Variants in SEMA3A observed in about 807,000 individuals in gnomAD.
SEMA3A encodes semaphorin 3A.
A neutral mutation model predicts 97.9 loss-of-function variants in SEMA3A; 29 were observed. The observed-to-expected ratio is 0.30, with a 90% CI of 0.22 to 0.40. SEMA3A has a LOEUF of 0.40. Among genes scored for constraint, SEMA3A ranks in the 10% least tolerant of loss-of-function variants. SEMA3A has a pLI of 1.00. For synonymous variants in SEMA3A, 321 were observed against 323.7 expected (o/e 0.99, Z 0.09); for missense variants, 763 against 951.3 (o/e 0.80, Z 2.60).
intron 1 of SEMA3A, among the ~76,000 whole-genome samples, chr7:84,441,632 G>GC (rs1258833339): frequency 6.6e-6 from 1 of 151,936 alleles, no homozygotes; most frequent in Non-Finnish European, 1.5e-5. Flanking sequence ...AGAAAAGATG[G>GC]CAAAAACTTC....
rs1436029492 is a variant in SEMA3A at position 84,356,249 on chromosome 7, C to T, written c.-169+15575G>A. 2.0e-5 allele frequency among the ~76,000 whole-genome samples: 3 copies of T among 151,642 alleles called. No individual in the cohort carries two copies. The East Asian group carries it at 5.8e-4, about 29-fold the overall frequency. On this transcript the variant is annotated intron_variant, in intron 2 of 3. Coordinates refer to the SEMA3A transcript ENST00000424555. Reference sequence around the variant, plus strand: ...TATTAATATTATAGTATATGCAACACACTGATTTTAATTTTCCCTTATTAA... The same window carrying T: ...TATTAATATTATAGTATATGCAACATACTGATTTTAATTTTCCCTTATTAA...
At chr7:84,325,901 T>C (rs2115929022) in intron 2 of SEMA3A, among the ~76,000 whole-genome samples, 1 of 152,134 alleles carries the variant, frequency 6.6e-6, no homozygotes, top group Non-Finnish European at 1.5e-5. Context: ...CTGGCCAACA[T>C]CTCCCCATTT....
chr7:84,185,281 A>T (rs1291728473), intron 1 of SEMA3A, among the ~76,000 whole-genome samples: 2 of 152,124 alleles, frequency 1.3e-5, no homozygotes, highest in Admixed American at 6.6e-5. Flanking sequence ...GTTGCCGGGT[A>T]CCATGAACCT....
intron 2 of SEMA3A, among the ~76,000 whole-genome samples, chr7:84,368,509 T>C (rs565252126): frequency 9.9e-4 from 149 of 151,146 alleles, no homozygotes; most frequent in Non-Finnish European, 1.6e-3. Context: ...GGCTTTATAG[T>C]TTTATGTTAT....
At chr7:84,010,199 A>G (rs1300288809) in intron 9 of SEMA3A, among the ~76,000 whole-genome samples, 2 of 152,200 alleles carry the variant, frequency 1.3e-5, no homozygotes, top group African/African-American at 4.8e-5. Context: ...TGACTTAAAA[A>G]GCTTTAAAAC....
chr7:84,177,852 G>C (rs928695462), intron 1 of SEMA3A, among the ~76,000 whole-genome samples: 1 of 151,974 alleles, frequency 6.6e-6, no homozygotes, highest in East Asian at 1.9e-4. Flanking sequence ...TAAACTTCTG[G>C]ATATAACATT....
chr7:84,309,434 G>C (rs1416258734), intron 2 of SEMA3A, among the ~76,000 whole-genome samples: 1 of 152,162 alleles, frequency 6.6e-6, no homozygotes, highest in Non-Finnish European at 1.5e-5. Flanking sequence ...AGTGGGAGCA[G>C]AGAGATGGTT....
intron 3 of SEMA3A, among the ~76,000 whole-genome samples, chr7:84,115,317 GTTAAGTGCCCAA>G: frequency 6.6e-6 from 1 of 152,096 alleles, no homozygotes; most frequent in Non-Finnish European, 1.5e-5. Flanking sequence ...GCTCATTTCA[GTTAAGTGCCCAA>G]TTTGACTGCT....
chr7:84,206,618 G>A (rs563368959), intron 3 of SEMA3A, among the ~76,000 whole-genome samples: 5 of 151,792 alleles, frequency 3.3e-5, no homozygotes, highest in Non-Finnish European at 5.9e-5. Context: ...CACCGCGTCC[G>A]GCCTTCCAAG....
chr7:84,342,059 G>T (rs1261636774), intron 2 of SEMA3A, among the ~76,000 whole-genome samples: 1 of 151,110 alleles, frequency 6.6e-6, no homozygotes, highest in Non-Finnish European at 1.5e-5. Context: ...TTTTTTGACG[G>T]AGTTTCACCC....
chr7:84,226,719 T>A (rs1490326268), intron 3 of SEMA3A, among the ~76,000 whole-genome samples: 2 of 152,086 alleles, frequency 1.3e-5, no homozygotes, highest in Non-Finnish European at 2.9e-5. Flanking sequence ...CTATGTTCTA[T>A]AATAAATATC....
chr7:84,181,946 G>C (rs1797747774), intron 1 of SEMA3A, among the ~76,000 whole-genome samples: 1 of 152,090 alleles, frequency 6.6e-6, no homozygotes, highest in Non-Finnish European at 1.5e-5. Context: ...TTTTCCAAAA[G>C]AATTCTGTCT....
chr7:84,240,306 T>C (rs1488828097), intron 3 of SEMA3A, among the ~76,000 whole-genome samples: 1 of 152,154 alleles, frequency 6.6e-6, no homozygotes, highest in Non-Finnish European at 1.5e-5. Flanking sequence ...GAATGTTACT[T>C]TGAGTGGCGA....
chr7:84,464,640 A>G (rs1489039244), intron 1 of SEMA3A, among the ~76,000 whole-genome samples: 1 of 152,200 alleles, frequency 6.6e-6, no homozygotes, highest in Non-Finnish European at 1.5e-5. Flanking sequence ...AGAAATCCAT[A>G]AAAAAGTTTT....
chr7:84,341,272 C>T (rs1434487549), intron 2 of SEMA3A, among the ~76,000 whole-genome samples: 1 of 152,148 alleles, frequency 6.6e-6, no homozygotes, highest in Non-Finnish European at 1.5e-5. Context: ...CATCTAGTAC[C>T]ACTTATTAAG....
At chr7:84,462,094 A>G (rs1250917154) in intron 1 of SEMA3A, among the ~76,000 whole-genome samples, 1 of 152,116 alleles carries the variant, frequency 6.6e-6, no homozygotes, top group Non-Finnish European at 1.5e-5. Context: ...TCTCTTCGTG[A>G]ATATATAATG....
chr7:84,395,957 T>C (rs1803720609), intron 1 of SEMA3A, among the ~76,000 whole-genome samples: 1 of 152,088 alleles, frequency 6.6e-6, no homozygotes. Context: ...AGGAACGGAA[T>C]TAGTACCTGA....
chr7:83,978,976 T>A (rs1278652812), intron 14 of SEMA3A, among the ~76,000 whole-genome samples: 1 of 152,176 alleles, frequency 6.6e-6, no homozygotes, highest in Admixed American at 6.5e-5. Flanking sequence ...TGTAATAACA[T>A]ATAGGTTTTA....
intron 5 of SEMA3A, among the ~76,000 whole-genome samples, chr7:84,060,160 T>A (rs1212930242): frequency 3.3e-5 from 5 of 152,176 alleles, no homozygotes; most frequent in Admixed American, 2.6e-4. Flanking sequence ...TATATTAGGA[T>A]GAGCCAGCAC....
Sources: gnomAD v4.1 joint callset for allele counts (sites outside exome capture counted in the v4.1 genomes callset) on GRCh38, gnomAD v4.1.1 for gene constraint, MANE v1.5 for transcripts, NCBI Gene and HGNC (gene_info 2026-07-23, HGNC 2026-07-21) for gene names.